PDGFD: variants seen among roughly 807,000 people sequenced by gnomAD.
The protein encoded by PDGFD is platelet-derived growth factor D.
In PDGFD, 30 loss-of-function variants were observed where a neutral mutation model predicts 44.7. The ratio of observed to expected loss-of-function variants is 0.67; its 90% CI spans 0.50 to 0.91. The LOEUF is 0.91. Among genes scored for constraint, PDGFD ranks in the 40% least tolerant of loss-of-function variants. The pLI, the probability that PDGFD is intolerant of heterozygous loss-of-function variation, is 0.00. For synonymous variants in PDGFD, 173 were observed against 168.4 expected, an observed-to-expected ratio of 1.03 and a Z score of -0.21; for missense variants, 445 against 457.8, an observed-to-expected ratio of 0.97 and a Z score of 0.25.
intron 1 of PDGFD, among the ~76,000 whole-genome samples, chr11:104,039,978 C>T (rs554355057): frequency 2.0e-5 from 3 of 152,188 alleles, no homozygotes; most frequent in East Asian, 1.9e-4. Flanking sequence ...CTCAGAGGAA[C>T]ACCCCTTCTG....
intron 1 of PDGFD, among the ~76,000 whole-genome samples, chr11:104,079,685 C>G (rs1861016302): frequency 6.6e-6 from 1 of 152,140 alleles, no homozygotes; most frequent in Admixed American, 6.5e-5. Context: ...CCGCGCCTGG[C>G]CAGAGCTACT....
chr11:104,043,429 T>C (rs1860390813), intron 1 of PDGFD, among the ~76,000 whole-genome samples: 1 of 152,186 alleles, frequency 6.6e-6, no homozygotes, highest in South Asian at 2.1e-4. Flanking sequence ...AGTAAGCATA[T>C]GGCCGATTCT....
At chr11:103,974,120 G>A (rs936774493) in intron 3 of PDGFD, among the ~76,000 whole-genome samples, 4 of 151,924 alleles carry the variant, frequency 2.6e-5, no homozygotes, top group Non-Finnish European at 5.9e-5. Context: ...GAAGAAAGAG[G>A]AAAAAGGGCT....
intron 1 of PDGFD, among the ~76,000 whole-genome samples, chr11:104,144,727 G>C (rs868435270): frequency 6.6e-6 from 1 of 152,148 alleles, no homozygotes; most frequent in Non-Finnish European, 1.5e-5. Context: ...AAAAGCAGCA[G>C]ATGATAGATC....
chr11:103,910,322 G>T (rs1310997323), intron 6 of PDGFD, among the ~76,000 whole-genome samples: 4 of 152,326 alleles, frequency 2.6e-5, no homozygotes, highest in Non-Finnish European at 4.4e-5. Context: ...GGCCGAACAG[G>T]AACAGCTCTG....
intron 1 of PDGFD, among the ~76,000 whole-genome samples, chr11:104,084,689 A>T (rs1861095831): frequency 7.2e-6 from 1 of 139,780 alleles, no homozygotes; most frequent in South Asian, 2.1e-4. Context: ...ATAATTATAT[A>T]GTGTATAATT....
intron 1 of PDGFD, among the ~76,000 whole-genome samples, chr11:104,158,513 T>C (rs1862340667): frequency 6.6e-6 from 1 of 152,230 alleles, no homozygotes; most frequent in African/African-American, 2.4e-5. Context: ...TAGCACAATA[T>C]ACAGGAGGCA....
rs1193740457 is a variant in PDGFD, at chr11:104,118,820, T to C, written c.124+44984A>G. ...AAATATTAATATATAATATATTATA[T>C]ATTATAAATATTAATATATAATATA... On this transcript the variant is annotated intron_variant, in intron 1 of 6. Transcript: ENST00000393158. Among the ~76,000 whole-genome samples, 9 of 42,472 alleles carry C rather than the reference T, an allele frequency of 2.1e-4. 1 individual carries two copies. The highest frequency in any genetic ancestry group is 7.5e-4 in the African/African-American group (9 of 12,004). 27.9% of individuals were successfully genotyped at this position (42,472 alleles called of 152,430 possible). A position where few individuals can be genotyped will look rare whatever the true frequency, so the allele number is the denominator to read the frequency against.
chr11:103,964,646 A>C (rs1051510187), intron 3 of PDGFD, among the ~76,000 whole-genome samples: 2 of 152,058 alleles, frequency 1.3e-5, no homozygotes, highest in African/African-American at 4.8e-5. Context: ...ATCCAACCCT[A>C]ATAAAAGGAA....
intron 1 of PDGFD, among the ~76,000 whole-genome samples, chr11:104,162,678 G>T (rs918795182): frequency 1.3e-5 from 2 of 152,054 alleles, no homozygotes; most frequent in African/African-American, 2.4e-5. Flanking sequence ...TCCCTGCAAA[G>T]TCCAAAAGTC....
chr11:103,974,454 C>T (rs186187792), intron 3 of PDGFD, among the ~76,000 whole-genome samples: 3 of 152,152 alleles, frequency 2.0e-5, no homozygotes, highest in East Asian at 1.9e-4. Context: ...GCTGTTCACA[C>T]TTTTATTTAT....
chr11:104,006,992 A>G (rs2134371720), intron 1 of PDGFD, among the ~76,000 whole-genome samples: 1 of 152,316 alleles, frequency 6.6e-6, no homozygotes, highest in South Asian at 2.1e-4. Context: ...TGCACACTGT[A>G]TCACGTGCCC....
rs142924326 is a variant in PDGFD, at chr11:104,006,917, C to A, written c.125-6662G>T. Among the ~76,000 whole-genome samples, 689 of 152,282 alleles carry A rather than the reference C, an allele frequency of 4.5e-3. 9 individuals are homozygous for A. Among genetic ancestry groups the A allele is most frequent in the African/African-American group, 0.013 (557 of 41,566 alleles). ...TTCTTCCTGGATGCCAGACAAGGAC[C>A]TGGGTACCAAGAGGGCATGGAGCTG... is the stretch of plus-strand genomic sequence containing the variant. On this transcript the variant is annotated intron_variant, in intron 1 of 6. Transcript: ENST00000393158.
chr11:104,145,068 ACATTTACTTTATAATAAGT>A, intron 1 of PDGFD, among the ~76,000 whole-genome samples: 12 of 152,192 alleles, frequency 7.9e-5, no homozygotes, highest in Admixed American at 7.9e-4. Context: ...TTTAATATTC[ACATTTACTTTATAATAAGT>A]GGTGTTATTG....
intron 4 of PDGFD, 116 bp downstream of exon 4, chr11:103,947,546 T>G (rs1013329260): frequency 3.2e-5 from 24 of 748,606 alleles, no homozygotes; most frequent in Middle Eastern, 2.4e-4. Flanking sequence ...ACATCCTGTT[T>G]GAGATCTAGC....
At chr11:104,095,819 T>C (rs1320893563) in intron 1 of PDGFD, among the ~76,000 whole-genome samples, 1 of 152,198 alleles carries the variant, frequency 6.6e-6, no homozygotes, top group Non-Finnish European at 1.5e-5. Flanking sequence ...GGATGCATCC[T>C]ACAAACTCTA....
chr11:104,141,399 ATTT>A (rs11392568), intron 1 of PDGFD, among the ~76,000 whole-genome samples: 27 of 147,652 alleles, frequency 1.8e-4, no homozygotes, highest in African/African-American at 5.6e-4. Flanking sequence ...ATTTAATTTA[ATTT>A]TTTTTTTTTT....
Position 103,970,440 on chromosome 11 carries a change from G to C in PDGFD, c.511-22716C>G, listed in dbSNP as rs17101793. Among the ~76,000 whole-genome samples, 924 of 152,150 alleles carry C rather than the reference G, an allele frequency of 6.1e-3. 9 individuals are homozygous for C. Among genetic ancestry groups the C allele is most frequent in the African/African-American group, 0.021 (874 of 41,534 alleles). On this transcript the variant is annotated intron_variant, in intron 3 of 6. Transcript: ENST00000393158. ...AGGCAACTGTTAAGATACTTCAAAG[G>C]TGCCAATAAGAGTGCTACAGCCTAG...
intron 1 of PDGFD, among the ~76,000 whole-genome samples, chr11:104,009,366 CATTTA>C (rs1425243820): frequency 4.6e-5 from 7 of 151,950 alleles, no homozygotes; most frequent in African/African-American, 1.7e-4. Context: ...CCTATGCAAC[CATTTA>C]ATTTAGAGTG....
Sources: allele counts gnomAD v4.1 joint callset (sites outside exome capture counted in the v4.1 genomes callset), GRCh38; gene constraint gnomAD v4.1.1; transcripts MANE v1.5; gene names NCBI Gene and HGNC (gene_info 2026-07-23, HGNC 2026-07-21).